The following ARHGAP10 variants were observed in gnomAD, a reference collection of about 807,000 sequenced individuals.
The protein encoded by ARHGAP10 is Rho GTPase activating protein 10, also known as rho GTPase-activating protein 10.
ARHGAP10 carries 87 observed loss-of-function variants against 108.6 expected under a neutral mutation model. The ratio of observed to expected loss-of-function variants is 0.80; its 90% CI spans 0.67 to 0.96. The LOEUF is 0.96. Ranked by LOEUF, ARHGAP10 falls within the 40% of genes least tolerant of loss-of-function variation. The pLI, the probability that ARHGAP10 is intolerant of heterozygous loss-of-function variation, is 0.00. For missense variants in ARHGAP10, 939 were observed against 954.5 expected (o/e 0.98, Z 0.21); for synonymous variants, 347 against 341.1 (o/e 1.02, Z -0.19).
At chr4:147,970,327 T>C (rs1739358592) in intron 18 of ARHGAP10, among the ~76,000 whole-genome samples, 1 of 152,084 alleles carries the variant, frequency 6.6e-6, no homozygotes. Context: ...CTAGTCCCTC[T>C]TAGTGTTTCA....
intron 1 of ARHGAP10, among the ~76,000 whole-genome samples, chr4:147,746,578 C>T (rs948145931): frequency 2.6e-5 from 4 of 151,746 alleles, no homozygotes; most frequent in African/African-American, 9.7e-5. Context: ...TTAGTAGAGA[C>T]GGGGTTTCAC....
chr4:148,062,245 G>A (rs889149229), intron 20 of ARHGAP10, among the ~76,000 whole-genome samples: 37 of 152,188 alleles, frequency 2.4e-4, no homozygotes, highest in African/African-American at 1.2e-4. Context: ...TGAAGAACAC[G>A]GTGCTAGTTC....
intron 3 of ARHGAP10, among the ~76,000 whole-genome samples, chr4:147,827,946 C>T (rs1009198325): frequency 1.3e-5 from 2 of 152,114 alleles, no homozygotes; most frequent in Admixed American, 1.3e-4. Context: ...GCGGGGACTA[C>T]AGGTGTGCGC....
intron 1 of ARHGAP10, among the ~76,000 whole-genome samples, chr4:147,792,529 A>G (rs756598889): frequency 2.6e-5 from 4 of 152,130 alleles, no homozygotes; most frequent in Non-Finnish European, 5.9e-5. Flanking sequence ...TCAGGTTCTG[A>G]GACATTACCA....
chr4:148,019,440 T>C (rs1741479730), intron 18 of ARHGAP10, among the ~76,000 whole-genome samples: 1 of 152,146 alleles, frequency 6.6e-6, no homozygotes, highest in African/African-American at 2.4e-5. Flanking sequence ...GAAAATGAGA[T>C]ACACTGTGTT....
Position 147,775,179 on chromosome 4 carries a change from C to T in ARHGAP10, c.154+42724C>T, listed in dbSNP as rs145641655. Among the ~76,000 whole-genome samples the T allele has an allele frequency of 3.8e-3, 576 of 152,322 alleles. 6 individuals carry two copies. Among genetic ancestry groups the T allele is most frequent in the African/African-American group, 0.013 (539 of 41,566 alleles). ...CCACTCGCCTCGGCCCCCCAAAGTG[C>T]TGGGATTACAGGCGTGAGCCACCGC... On this transcript the variant is annotated intron_variant, in intron 1 of 22. Transcript: ENST00000336498.
intron 3 of ARHGAP10, among the ~76,000 whole-genome samples, chr4:147,830,905 A>G (rs1732932239): frequency 6.6e-6 from 1 of 152,284 alleles, no homozygotes; most frequent in South Asian, 2.1e-4. Context: ...GATGGTTAAA[A>G]TGAGTTAAAT....
intron 20 of ARHGAP10, among the ~76,000 whole-genome samples, chr4:148,055,990 A>G (rs559402085): frequency 1.0e-3 from 153 of 152,294 alleles, no homozygotes; most frequent in African/African-American, 3.5e-3. Context: ...AGGGGTGAGC[A>G]AACCGTGGCC....
intron 18 of ARHGAP10, among the ~76,000 whole-genome samples, chr4:147,986,705 T>A (rs1740057377): frequency 6.6e-6 from 1 of 152,204 alleles, no homozygotes; most frequent in African/African-American, 2.4e-5. Flanking sequence ...TAAGAGTATG[T>A]CTCACATTTA....
intron 18 of ARHGAP10, among the ~76,000 whole-genome samples, chr4:148,002,254 G>A (rs1468178264): frequency 6.6e-6 from 1 of 152,148 alleles, no homozygotes; most frequent in Non-Finnish European, 1.5e-5. Flanking sequence ...TGCATCCCAG[G>A]GATGAAGTCC....
At chr4:147,943,258 G>C (rs143408317) in intron 14 of ARHGAP10, among the ~76,000 whole-genome samples, 1 of 152,268 alleles carries the variant, frequency 6.6e-6, no homozygotes, top group East Asian at 1.9e-4. Context: ...TTCTAAATCT[G>C]ATTTGCAAGA....
At chr4:147,828,511 A>G (rs542890346) in intron 3 of ARHGAP10, among the ~76,000 whole-genome samples, 37 of 152,304 alleles carry the variant, frequency 2.4e-4, no homozygotes, top group South Asian at 2.1e-3. Context: ...TGATTCATCC[A>G]TTGGAGGAGA....
intron 3 of ARHGAP10, among the ~76,000 whole-genome samples, chr4:147,834,109 C>G (rs1272867059): frequency 6.6e-6 from 1 of 152,168 alleles, no homozygotes; most frequent in Non-Finnish European, 1.5e-5. Context: ...GAGTGGGGGA[C>G]CCAGGTCTCT....
At chr4:148,005,319 C>G (rs1740902719) in intron 18 of ARHGAP10, among the ~76,000 whole-genome samples, 1 of 152,150 alleles carries the variant, frequency 6.6e-6, no homozygotes, top group African/African-American at 2.4e-5. Flanking sequence ...TGTGCTGGCT[C>G]ATGGCTGAAA....
chr4:147,813,004 C>T (rs1312630776), intron 1 of ARHGAP10, among the ~76,000 whole-genome samples: 1 of 152,138 alleles, frequency 6.6e-6, no homozygotes, highest in East Asian at 1.9e-4. Context: ...TGGTGTGAAA[C>T]AATTTTCCAG....
intron 18 of ARHGAP10, among the ~76,000 whole-genome samples, chr4:147,980,254 T>C (rs963484702): frequency 1.3e-5 from 2 of 152,198 alleles, no homozygotes; most frequent in Non-Finnish European, 2.9e-5. Context: ...TAAAGACATA[T>C]TGGATTTTAT....
intron 10 of ARHGAP10, among the ~76,000 whole-genome samples, chr4:147,899,088 C>G (rs1310933398): frequency 2.0e-5 from 3 of 152,206 alleles, no homozygotes; most frequent in Non-Finnish European, 4.4e-5. Flanking sequence ...TCAGGGTGGT[C>G]TCTCAGTCCT....
intron 15 of ARHGAP10, among the ~76,000 whole-genome samples, chr4:147,947,492 T>G (rs1204120034): frequency 6.6e-6 from 1 of 152,022 alleles, no homozygotes; most frequent in Non-Finnish European, 1.5e-5. Context: ...AACCTCTGCC[T>G]CCCAGGTTCA....
chr4:147,854,804 A>G (rs1393708175), intron 4 of ARHGAP10: 12 of 985,324 alleles, frequency 1.2e-5, no homozygotes, highest in African/African-American at 1.7e-5. Context: ...GTATAATACC[A>G]TACCATATAT....
Sources: gnomAD v4.1 joint callset for allele counts (sites outside exome capture counted in the v4.1 genomes callset) on GRCh38, gnomAD v4.1.1 for gene constraint, MANE v1.5 for transcripts, NCBI Gene and HGNC (gene_info 2026-07-23, HGNC 2026-07-21) for gene names.